Variants in ABCC6 observed in about 807,000 individuals in gnomAD.
The protein encoded by ABCC6 is ATP-binding cassette sub-family C member 6.
Under a neutral mutation model 169.5 loss-of-function variants are expected in ABCC6, and 126 were observed. That is an observed-to-expected ratio of 0.74 (90% CI 0.64 to 0.86). ABCC6 has a LOEUF of 0.86. Among genes scored for constraint, ABCC6 ranks in the 40% least tolerant of loss-of-function variants. ABCC6 has a pLI of 0.00. For missense variants in ABCC6, 1,733 were observed against 1,927.2 expected (o/e 0.90, Z 1.89); for synonymous variants, 752 against 814.7 (o/e 0.92, Z 1.31).
chr16:16,175,811 G>C, intron 20 of ABCC6, 100 bp downstream of exon 20: 1 of 1,350,132 alleles, frequency 7.4e-7, no homozygotes, highest in Non-Finnish European at 1.0e-6. Flanking sequence ...ATCCATAATG[G>C]TTTTGGTTGC....
At chr16:16,164,089 A>G (rs212067) in intron 23 of ABCC6, among the ~76,000 whole-genome samples, 13,372 of 152,116 alleles carry the variant, frequency 0.088, 681 homozygotes, top group East Asian at 0.25. Context: ...GCTGGAGTGC[A>G]GTGGTGCAAT....
At chr16:16,191,893 G>A (rs1289299562) in intron 11 of ABCC6, among the ~76,000 whole-genome samples, 1 of 152,054 alleles carries the variant, frequency 6.6e-6, no homozygotes, top group Non-Finnish European at 1.5e-5. Context: ...ACTAGATGCC[G>A]AGTTGGCCAC....
chr16:16,197,457 G>A (rs1384876847), intron 10 of ABCC6, among the ~76,000 whole-genome samples: 2 of 151,020 alleles, frequency 1.3e-5, no homozygotes, highest in Non-Finnish European at 2.9e-5. Flanking sequence ...AAAAGGAGGA[G>A]AGGAAGAAGA....
intron 29 of ABCC6, among the ~76,000 whole-genome samples, chr16:16,152,695 C>T (rs889957123): frequency 2.3e-5 from 3 of 131,822 alleles, no homozygotes; most frequent in Non-Finnish European, 4.6e-5. Flanking sequence ...GCCTAAGATC[C>T]TACAGCTAGT....
chr16:16,217,742 A>C (rs1420879207), intron 4 of ABCC6, among the ~76,000 whole-genome samples: 4 of 152,082 alleles, frequency 2.6e-5, no homozygotes, highest in Admixed American at 1.3e-4. Flanking sequence ...CATTTCAGAA[A>C]TTACTGAATA....
Position 16,188,867 on chromosome 16 carries a change from C to A in ABCC6, c.1743G>T (p.Gln581His). Residue 581 changes from glutamine (Q) to histidine (H), a missense_variant, in exon 13 of 31, where the codon CAG becomes CAT. Coordinates refer to ENST00000205557, the MANE Select transcript of ABCC6 (RefSeq NM_001171.6). ...AGTGGATGGAGAAGGGCAGGAAAGCCTGGGCCTTGTTGAGGATGTTGAGAA... is the reference window on the plus strand; with the variant it reads ...AGTGGATGGAGAAGGGCAGGAAAGCATGGGCCTTGTTGAGGATGTTGAGAA... ...LTVLNILNKA[Q>H]AFLPFSIHSL... is the part of the protein sequence containing the mutation. 1.2e-6 allele frequency: 2 copies of A among 1,614,164 alleles called. No homozygotes were observed. The highest frequency in any genetic ancestry group is 1.7e-6 in the Non-Finnish European group (2 of 1,180,038).
chr16:16,184,991 G>A lies in ABCC6; in HGVS notation c.1911C>T (p.Ala637=). The change falls in exon 15 of 31, where the codon GCC becomes GCT. Residue 637 remains alanine (A), a synonymous_variant. Coordinates refer to ENST00000205557, the MANE Select transcript of ABCC6 (RefSeq NM_001171.6). ...GGCAGGGAGGGCTTTCCTGGGACCA[G>A]GCGAAGGTGGCACTGTGTATGGTGA... ...DCITIHSATF[A]WSQESPPCLH... is the part of the protein sequence containing the mutation. 6.2e-7 allele frequency: 1 copy of A among 1,613,880 alleles called. No homozygotes were observed. The highest frequency in any genetic ancestry group is 1.1e-5 in the South Asian group (1 of 91,084).
intron 22 of ABCC6, among the ~76,000 whole-genome samples, chr16:16,167,074 A>G (rs941235374): frequency 1.3e-5 from 2 of 152,178 alleles, no homozygotes; most frequent in African/African-American, 4.8e-5. Context: ...AGAAATGCAC[A>G]TCCTTCCTCC....
chr16:16,206,494 C>G (rs1218998591), intron 7 of ABCC6, among the ~76,000 whole-genome samples: 2 of 151,726 alleles, frequency 1.3e-5, no homozygotes, highest in African/African-American at 2.4e-5. Context: ...ATTAGTGAAG[C>G]CGACTGGACC....
chr16:16,177,756 G>T, intron 18 of ABCC6, 130 bp from the exon 19 acceptor site: 1 of 1,126,584 alleles, frequency 8.9e-7, no homozygotes, highest in Non-Finnish European at 1.3e-6. Context: ...CAGCCTGGCT[G>T]ACACGGCTAA....
chr16:16,193,054 A>G (rs1424594821), intron 10 of ABCC6, 132 bp from the exon 11 acceptor site: 3 of 734,036 alleles, frequency 4.1e-6, no homozygotes, highest in Non-Finnish European at 7.0e-6. Context: ...CTGCATTCCC[A>G]GACGGTTAGG....
intron 27 of ABCC6, 94 bp from the exon 28 acceptor site, chr16:16,155,125 C>G: frequency 7.0e-7 from 1 of 1,427,808 alleles, no homozygotes; most frequent in Non-Finnish European, 9.5e-7. Flanking sequence ...ATCTGTCTAT[C>G]CATCCCTCAT....
intron 5 of ABCC6, among the ~76,000 whole-genome samples, chr16:16,213,521 T>C (rs950315258): frequency 1.3e-5 from 2 of 151,866 alleles, no homozygotes; most frequent in Admixed American, 6.6e-5. Flanking sequence ...GCTTCTTCTA[T>C]GGAGCACTTA....
intron 27 of ABCC6, among the ~76,000 whole-genome samples, chr16:16,157,306 C>T (rs760317337): frequency 5.3e-5 from 8 of 152,176 alleles, no homozygotes; most frequent in Non-Finnish European, 1.2e-4. Flanking sequence ...CTATGAAGTG[C>T]TTTTCCCAAT....
chr16:16,180,009 T>A (rs1053184776), intron 17 of ABCC6, among the ~76,000 whole-genome samples: 1 of 152,226 alleles, frequency 6.6e-6, no homozygotes, highest in Admixed American at 6.5e-5. Flanking sequence ...TGGGAGGCAG[T>A]GACAGATCAT....
At chr16:16,174,767 C>CCCG (rs1555511657) in intron 20 of ABCC6, among the ~76,000 whole-genome samples, 1 of 133,218 alleles carries the variant, frequency 7.5e-6, no homozygotes, top group African/African-American at 2.6e-5. Context: ...AAAACCCCCC[C>CCCG]CCGCAAAAAA....
intron 15 of ABCC6, among the ~76,000 whole-genome samples, chr16:16,183,862 T>A (rs1245974767): frequency 6.6e-6 from 1 of 152,006 alleles, no homozygotes; most frequent in Non-Finnish European, 1.5e-5. Context: ...CCAGGCACTC[T>A]CCTGCCCCAG....
intron 23 of ABCC6, among the ~76,000 whole-genome samples, chr16:16,164,770 G>A (rs906442294): frequency 2.0e-5 from 3 of 152,180 alleles, no homozygotes; most frequent in Non-Finnish European, 4.4e-5. Flanking sequence ...ATCTGAGGCA[G>A]TAGTCCTGGG....
intron 21 of ABCC6, among the ~76,000 whole-genome samples, chr16:16,171,692 T>A (rs1191010977): frequency 6.6e-6 from 1 of 152,032 alleles, no homozygotes; most frequent in African/African-American, 2.4e-5. Flanking sequence ...GTGGGATAGA[T>A]GGATGGGTAA....
Sources: allele counts gnomAD v4.1 joint callset (sites outside exome capture counted in the v4.1 genomes callset), GRCh38; gene constraint gnomAD v4.1.1; transcripts MANE v1.5; gene names NCBI Gene and HGNC (gene_info 2026-07-23, HGNC 2026-07-21).